Variants in MNT observed in about 807,000 individuals in gnomAD.
MNT encodes the protein max-binding protein MNT.
MNT carries 13 observed loss-of-function variants against 40.7 expected under a neutral mutation model. The observed-to-expected ratio is 0.32, with a 90% CI of 0.21 to 0.51. The LOEUF is 0.51. Among genes scored for constraint, MNT ranks in the 20% least tolerant of loss-of-function variants. The probability of loss-of-function intolerance (pLI) is 0.98; values close to 1 mark genes in which losing one functional copy is unlikely to be tolerated. For missense variants in MNT, 757 were observed against 792.0 expected, an observed-to-expected ratio of 0.96 and a Z score of 0.53; for synonymous variants, 426 against 354.8, an observed-to-expected ratio of 1.20 and a Z score of -2.26.
chr17:2,387,623 T>A lies in MNT; in HGVS notation c.1027A>T (p.Met343Leu). The change falls in exon 6 of 6, where the codon ATG (methionine) becomes TTG (leucine). Residue 343 changes from methionine (M) to leucine (L), a missense_variant. Transcript: ENST00000174618. ...SEGEDNIDED[M>L]EEDRAGLGPP... is the part of the protein sequence containing the mutation. ...CCCAGGCCCGCCCGGTCCTCCTCCA[T>A]ATCCTCGTCTATGTTGTCCTCACCC... 1 of 1,614,030 alleles carries A rather than the reference T, an allele frequency of 6.2e-7. No homozygotes were observed. The highest frequency in any genetic ancestry group is 8.5e-7 in the Non-Finnish European group (1 of 1,179,978).
At position 2,387,506 on chromosome 17, in the gene MNT, G is replaced by A. The variant is rs750888578; in HGVS notation, c.1144C>T (p.Pro382Ser). Residue 382 changes from proline to serine, a missense_variant, in exon 6 of 6, where the codon CCA becomes TCA. Around this residue, in one of 4 missense-constraint regions of MNT, gnomAD observed 345 missense variants for 380.1 expected, o/e 0.91. Coordinates refer to ENST00000174618, the MANE Select transcript of MNT (RefSeq NM_020310.3). ...GCCACGGAGTGGGGGTGAGGGTGTG[G>A]GTGTGGAGGCAGAGGCGCAGGGGTG... ...STTPAPLPPH[P>S]HPHPHSVALP... is the part of the protein sequence containing the mutation. 2 of 1,613,234 alleles carry A rather than the reference G, an allele frequency of 1.2e-6. No individual in the cohort carries two copies. The highest frequency in any genetic ancestry group is 1.7e-6 in the Non-Finnish European group (2 of 1,179,776).
At chr17:2,398,131 C>T (rs1011983157) in intron 1 of MNT, among the ~76,000 whole-genome samples, 1 of 152,244 alleles carries the variant, frequency 6.6e-6, no homozygotes, top group African/African-American at 2.4e-5. Flanking sequence ...AGGCTTGGTG[C>T]CTAAGGCAGG....
intron 1 of MNT, among the ~76,000 whole-genome samples, chr17:2,398,884 C>T (rs1479237953): frequency 6.6e-6 from 1 of 152,254 alleles, no homozygotes; most frequent in East Asian, 1.9e-4. Flanking sequence ...CCCATCACTT[C>T]TGCAAAACCC....
chr17:2,387,491 G>T lies in MNT; in HGVS notation c.1159C>A (p.His387Asn), dbSNP rs151061793. The change falls in exon 6 of 6, where the codon CAC becomes AAC. Residue 387 changes from histidine (H) to asparagine (N), a missense_variant. This residue lies in a region of MNT where 345 missense variants were observed against 380.1 expected (regional missense o/e 0.91). Coordinates refer to ENST00000174618, the MANE Select transcript of MNT (RefSeq NM_020310.3). ...PLPPHPHPHPHSVALPPAHLP... is the reference protein window; with the variant it reads ...PLPPHPHPHPNSVALPPAHLP... ...TGGGCAGGAGGTAGGGCCACGGAGT[G>T]GGGGTGAGGGTGTGGGTGTGGAGGC... 1 of 1,612,886 alleles carries T rather than the reference G, an allele frequency of 6.2e-7. No individual in the cohort carries two copies. The highest frequency in any genetic ancestry group is 8.5e-7 in the Non-Finnish European group (1 of 1,179,590).
At chr17:2,394,249 G>A (rs897321250) in intron 3 of MNT, 56 bp downstream of exon 3, 8 of 1,592,538 alleles carry the variant, frequency 5.0e-6, no homozygotes, top group Non-Finnish European at 6.8e-6. Context: ...GGGCCGCCGG[G>A]GCCCGGGTCG....
chr17:2,397,025 T>C (rs2066582960), intron 1 of MNT, among the ~76,000 whole-genome samples: 1 of 151,806 alleles, frequency 6.6e-6, no homozygotes, highest in African/African-American at 2.4e-5. Flanking sequence ...AGCCCCGCCC[T>C]CCTGCAGAGG....
intron 1 of MNT, among the ~76,000 whole-genome samples, chr17:2,398,963 C>T (rs530537321): frequency 3.9e-5 from 6 of 152,116 alleles, no homozygotes; most frequent in Non-Finnish European, 8.8e-5. Flanking sequence ...GACTAGGCCG[C>T]CGGCCCCGCA....
intron 4 of MNT, chr17:2,390,501 G>A (rs1440814696): frequency 6.6e-6 from 1 of 152,238 alleles, no homozygotes; most frequent in Admixed American, 6.5e-5. Context: ...CACACCAGGA[G>A]TGTAGGTTTT....
rs750625027 is a variant in MNT, at chr17:2,387,089, C to T, written c.1561G>A (p.Ala521Thr). 1.9e-5 allele frequency: 30 copies of T among 1,573,334 alleles called. No homozygotes were observed. Among genetic ancestry groups the T allele is most frequent in the Non-Finnish European group, 2.4e-5 (28 of 1,159,792 alleles). Reference protein sequence around the residue: ...YPQPVAVSHIAHTLSHQQVNG... With the variant: ...YPQPVAVSHITHTLSHQQVNG... ...ACTTGCTGGTGCGAGAGGGTGTGGG[C>T]GATGTGGCTCACTGCCACGGGCTGC... The change falls in exon 6 of 6, where the codon GCC becomes ACC. Residue 521 changes from alanine (A) to threonine (T), a missense_variant. Physicochemically the swap from Ala to Thr is moderately conservative, Grantham distance 58. This residue lies in a region of MNT where 345 missense variants were observed against 380.1 expected (regional missense o/e 0.91). Coordinates refer to ENST00000174618, the MANE Select transcript of MNT (RefSeq NM_020310.3).
chr17:2,392,890 G>C, intron 4 of MNT: 1 of 152,136 alleles, frequency 6.6e-6, no homozygotes. Context: ...CGCGTTGGCG[G>C]GAGGCTGGGA....
At chr17:2,393,373 G>A (rs530954785) in intron 4 of MNT, among the ~76,000 whole-genome samples, 3 of 152,292 alleles carry the variant, frequency 2.0e-5, no homozygotes, top group Admixed American at 1.3e-4. Context: ...CAGCCGGGAG[G>A]GCCCCGAAAA....
intron 1 of MNT, among the ~76,000 whole-genome samples, chr17:2,397,321 G>A (rs1171458171): frequency 6.6e-6 from 1 of 152,162 alleles, no homozygotes; most frequent in Non-Finnish European, 1.5e-5. Flanking sequence ...GTCGGGCACA[G>A]CCTCAGTTGT....
chr17:2,394,136 C>G lies in MNT; in HGVS notation c.714G>C (p.Glu238Asp), dbSNP rs373133512. The change falls in exon 4 of 6, where the codon GAG becomes GAC. Residue 238 changes from glutamate to aspartate, a missense_variant. Around this residue, in one of 4 missense-constraint regions of MNT, gnomAD observed 73 missense variants for 100.8 expected, o/e 0.72. Transcript: ENST00000174618. The part of the protein sequence containing the change: ...LEKNRRAHLK[E>D]CFETLKRNIP... Reference sequence around the variant, plus strand: ...TGTTCCGCTTCAGGGTCTCAAAGCACTCTTTCAGATGGGCCCTCCTGAAGA... The same window carrying G: ...TGTTCCGCTTCAGGGTCTCAAAGCAGTCTTTCAGATGGGCCCTCCTGAAGA... The G allele has an allele frequency of 9.3e-6, 15 of 1,609,170 alleles. No homozygotes were observed. Among genetic ancestry groups the G allele is most frequent in the Non-Finnish European group, 1.3e-5 (15 of 1,178,058 alleles).
Position 2,399,093 on chromosome 17 carries a change from T to G in MNT, c.73+1547A>C, listed in dbSNP as rs1381247. Among the ~76,000 whole-genome samples, 18 of 151,404 alleles carry G rather than the reference T, an allele frequency of 1.2e-4. No homozygotes were observed. In the East Asian group the frequency reaches 2.8e-3, roughly 23 times the overall value. ...TACTACCTCCTGCATGACTCATCAT[T>G]GAAGCAACAATAGGCAGAGAGAAAG... is the stretch of plus-strand genomic sequence containing the variant. On this transcript the variant is annotated intron_variant, in intron 1 of 5. Transcript: ENST00000174618.
chr17:2,390,033 C>T (rs867895090), intron 4 of MNT: 2 of 152,200 alleles, frequency 1.3e-5, no homozygotes, highest in Non-Finnish European at 2.9e-5. Context: ...AGGACTTCAT[C>T]AGGAACCGGC....
At chr17:2,388,576 C>T (rs913346637) in intron 4 of MNT, among the ~76,000 whole-genome samples, 5 of 152,040 alleles carry the variant, frequency 3.3e-5, no homozygotes, top group Admixed American at 6.5e-5. Flanking sequence ...ACCCCCTAGG[C>T]GACTCTCCAC....
At chr17:2,395,680 A>G (rs2447090) in intron 1 of MNT, among the ~76,000 whole-genome samples, 70,384 of 151,820 alleles carry the variant, frequency 0.46, 17,630 homozygotes, top group African/African-American at 0.65. Flanking sequence ...ATAGTAGGAC[A>G]GTCACGGGGG....
intron 4 of MNT, chr17:2,390,417 G>C (rs1166556688): frequency 6.6e-6 from 1 of 152,318 alleles, no homozygotes; most frequent in African/African-American, 2.4e-5. Flanking sequence ...AGTGAGCAGC[G>C]ATGGCGCTCT....
chr17:2,392,538 G>C (rs964938289), intron 4 of MNT, among the ~76,000 whole-genome samples: 1 of 152,254 alleles, frequency 6.6e-6, no homozygotes, highest in African/African-American at 2.4e-5. Flanking sequence ...CGGGAGTGCA[G>C]CGAAGTGTCT....
Sources: allele counts gnomAD v4.1 joint callset (sites outside exome capture counted in the v4.1 genomes callset), GRCh38; gene constraint gnomAD v4.1.1; regional missense constraint gnomAD v4.1.1; transcripts MANE v1.5; gene names NCBI Gene and HGNC (gene_info 2026-07-23, HGNC 2026-07-21).